MBP: variants seen among roughly 807,000 people sequenced by gnomAD.
MBP encodes Golli-MBP.
In MBP, 16 loss-of-function variants were observed where a neutral mutation model predicts 35.8. The ratio of observed to expected loss-of-function variants is 0.45; its 90% CI spans 0.30 to 0.68. The LOEUF (loss-of-function observed/expected upper bound fraction) is 0.68, where lower values mean the gene tolerates loss of function less well. Among genes scored for constraint, MBP ranks in the 30% least tolerant of loss-of-function variants. The pLI is 0.08. For missense variants in MBP, 380 were observed against 404.7 expected, an observed-to-expected ratio of 0.94 and a Z score of 0.52; for synonymous variants, 143 against 159.6, an observed-to-expected ratio of 0.90 and a Z score of 0.78.
At chr18:77,120,503 A>C (rs1472915022) in intron 1 of MBP, among the ~76,000 whole-genome samples, 4 of 152,200 alleles carry the variant, frequency 2.6e-5, no homozygotes, top group African/African-American at 9.6e-5. Flanking sequence ...GCCTGCTTGA[A>C]GGAATGAATG....
chr18:77,038,526 C>T (rs985693471), intron 3 of MBP, among the ~76,000 whole-genome samples: 3 of 152,192 alleles, frequency 2.0e-5, no homozygotes, highest in Non-Finnish European at 2.9e-5. Flanking sequence ...TGCTATCATG[C>T]CGTAACTGGG....
At chr18:77,028,809 T>C (rs1470370478) in intron 3 of MBP, among the ~76,000 whole-genome samples, 6,005 of 72,398 alleles carry the variant, frequency 0.083, 819 homozygotes, top group East Asian at 0.15. Context: ...TCCTGACTTC[T>C]CAGACGGGGC....
chr18:77,040,923 T>A (rs955307737), intron 3 of MBP, among the ~76,000 whole-genome samples: 1 of 152,026 alleles, frequency 6.6e-6, no homozygotes, highest in East Asian at 1.9e-4. Flanking sequence ...AAGCCAAAAC[T>A]GACAAATGGG....
At chr18:77,118,302 C>T (rs978243111) in intron 1 of MBP, among the ~76,000 whole-genome samples, 1 of 151,898 alleles carries the variant, frequency 6.6e-6, no homozygotes, top group Non-Finnish European at 1.5e-5. Flanking sequence ...GGATTGGCCT[C>T]AGCCCGACTG....
At chr18:77,090,225 T>C (rs1248392110) in intron 2 of MBP, among the ~76,000 whole-genome samples, 4 of 152,150 alleles carry the variant, frequency 2.6e-5, no homozygotes, top group Non-Finnish European at 5.9e-5. Context: ...AAACGTGCTT[T>C]CCTCCTTTTC....
chr18:77,037,545 T>C (rs1257563463), intron 3 of MBP, among the ~76,000 whole-genome samples: 1 of 152,196 alleles, frequency 6.6e-6, no homozygotes, highest in East Asian at 1.9e-4. Flanking sequence ...ATCTGGGGGA[T>C]GATTCCGGAG....
At chr18:76,996,518 C>G (rs1158233025) in intron 4 of MBP, among the ~76,000 whole-genome samples, 1 of 152,188 alleles carries the variant, frequency 6.6e-6, no homozygotes, top group African/African-American at 2.4e-5. Flanking sequence ...GTGCTGTATC[C>G]AGGCATGAAA....
At chr18:77,075,918 T>C (rs62104278) in intron 2 of MBP, among the ~76,000 whole-genome samples, 40,300 of 152,042 alleles carry the variant, frequency 0.27, 5,787 homozygotes, top group South Asian at 0.39. Flanking sequence ...CAGGGGACTG[T>C]TGGCCTCTGG....
chr18:77,105,377 T>C (rs1229355023), intron 1 of MBP, 91 bp from the exon 2 acceptor site: 2 of 765,972 alleles, frequency 2.6e-6, no homozygotes. Flanking sequence ...TCCTGTGATA[T>C]ATGTAATGCC....
intron 2 of MBP, among the ~76,000 whole-genome samples, chr18:77,104,434 G>GT (rs1370780546): frequency 6.6e-6 from 1 of 152,160 alleles, no homozygotes; most frequent in African/African-American, 2.4e-5. Flanking sequence ...GAGAAAGGAG[G>GT]TTATCGATCT....
At chr18:77,063,185 A>G (rs935784567) in intron 3 of MBP, among the ~76,000 whole-genome samples, 1 of 152,192 alleles carries the variant, frequency 6.6e-6, no homozygotes, top group South Asian at 2.1e-4. Context: ...TACAGCCAAG[A>G]CTAATAGCCA....
intron 3 of MBP, among the ~76,000 whole-genome samples, chr18:77,059,595 A>T (rs1973883794): frequency 6.6e-6 from 1 of 152,080 alleles, no homozygotes; most frequent in Non-Finnish European, 1.5e-5. Context: ...TAACACTATA[A>T]ATAAATATAT....
intron 4 of MBP, chr18:77,010,157 C>A (rs1173235831): frequency 9.0e-6 from 5 of 557,900 alleles, no homozygotes; most frequent in Non-Finnish European, 1.6e-5. Flanking sequence ...CAGGCATGCG[C>A]CCTGAAGGAC....
At position 76,988,265 on chromosome 18, in the gene MBP, G is replaced by C. The variant is rs1288772680; in HGVS notation, c.750+230C>G. ...GGGAGAAGAGGATCTGGCCTTGCAG[G>C]GCTGGGTCCCCGGCACAGAAGCAAG... On this transcript the variant is annotated intron_variant, in intron 7 of 8. Transcript: ENST00000355994. This position sits in a 1 kb window ranked among gnomAD's most constrained non-coding sequence, Gnocchi z 5.2. 4 of 1,550,726 alleles carry C rather than the reference G, an allele frequency of 2.6e-6. No individual in the cohort carries two copies. The East Asian group carries it at 9.8e-5, about 38-fold the overall frequency.
intron 3 of MBP, among the ~76,000 whole-genome samples, chr18:77,033,615 C>G (rs568978699): frequency 6.6e-6 from 1 of 151,936 alleles, no homozygotes. Context: ...ATTCACTCAC[C>G]CATCTACTAG....
intron 2 of MBP, among the ~76,000 whole-genome samples, chr18:77,099,371 T>C (rs899206458): frequency 2.0e-5 from 3 of 151,738 alleles, no homozygotes; most frequent in African/African-American, 7.3e-5. Context: ...TGAGATAAAA[T>C]ATATCCTAGA....
At chr18:77,033,765 T>TCCAC (rs1972632745) in intron 3 of MBP, among the ~76,000 whole-genome samples, 1 of 108,268 alleles carries the variant, frequency 9.2e-6, no homozygotes, top group African/African-American at 4.6e-5. Context: ...CACCCATCCA[T>TCCAC]CCATCCATCC....
intron 3 of MBP, among the ~76,000 whole-genome samples, chr18:77,025,705 C>CTTTTTT (rs540022394): frequency 0.038 from 4,176 of 108,592 alleles, 209 homozygotes; most frequent in Middle Eastern, 0.057. Context: ...TATTGAAATA[C>CTTTTTT]TTTTTTTTTT....
rs1270183828 is a variant in MBP, at chr18:76,998,602, C to T, written c.577-8542G>A. On this transcript the variant is annotated intron_variant, in intron 4 of 8. Coordinates refer to ENST00000355994, the MANE Select transcript of MBP (RefSeq NM_001025101.2). ...CCCCAACAGCCTGAAGTGAAGCTGCCGAGGTTCCCTTATTCTTTGAAGGAA... is the reference window on the plus strand; with the variant it reads ...CCCCAACAGCCTGAAGTGAAGCTGCTGAGGTTCCCTTATTCTTTGAAGGAA... 2.6e-5 allele frequency among the ~76,000 whole-genome samples: 4 copies of T among 152,182 alleles called. No homozygotes were observed. The South Asian group carries it at 6.2e-4, about 24-fold the overall frequency.
Sources: gnomAD v4.1 joint callset for allele counts (sites outside exome capture counted in the v4.1 genomes callset) on GRCh38, gnomAD v4.1.1 for gene constraint, Gnocchi (gnomAD v3.1) non-coding constraint, MANE v1.5 for transcripts, NCBI Gene and HGNC (gene_info 2026-07-23, HGNC 2026-07-21) for gene names.